Variants in FAAH2 observed in about 807,000 individuals in gnomAD.
FAAH2 encodes the protein fatty acid amide hydrolase 2.
A neutral mutation model predicts 36.9 loss-of-function variants in FAAH2; 60 were observed. The ratio of observed to expected loss-of-function variants is 1.63; its 90% CI spans 1.32 to 2.02. The LOEUF (loss-of-function observed/expected upper bound fraction) is 2.02, where lower values mean the gene tolerates loss of function less well. Ranked by LOEUF, FAAH2 falls within the 30% of genes most tolerant of loss-of-function variation. FAAH2 has a pLI of 0.00. For missense variants in FAAH2, 689 were observed against 397.5 expected (o/e 1.73, Z -6.23); for synonymous variants, 214 against 143.8 (o/e 1.49, Z -3.49).
intron 7 of FAAH2, among the ~76,000 whole-genome samples, chrX:57,397,875 C>T (rs758590682): frequency 9.5e-6 from 1 of 105,325 alleles, no homozygotes; most frequent in South Asian, 4.7e-4. Flanking sequence ...CACAACAGGC[C>T]CCGATGTGTG....
intron 7 of FAAH2, among the ~76,000 whole-genome samples, chrX:57,388,640 T>C (rs955401108): frequency 2.7e-5 from 3 of 111,388 alleles, no homozygotes; most frequent in Non-Finnish European, 5.7e-5. Context: ...TTTACATTAG[T>C]GTTTATATTG....
chrX:57,214,761 T>A, the FAAH2 span, among the ~76,000 whole-genome samples: 1 of 111,265 alleles, frequency 9.0e-6, no homozygotes, highest in African/African-American at 3.3e-5. Flanking sequence ...ATACAGAAAG[T>A]TTCGAAACAC....
At chrX:57,226,066 G>C in the FAAH2 span, among the ~76,000 whole-genome samples, 1 of 111,952 alleles carries the variant, frequency 8.9e-6, no homozygotes, top group African/African-American at 3.2e-5. Context: ...GACAGTAGAC[G>C]GTTGGTTAAT....
At chrX:57,251,454 C>T in the FAAH2 span, among the ~76,000 whole-genome samples, 3 of 111,586 alleles carry the variant, frequency 2.7e-5, no homozygotes, top group African/African-American at 6.5e-5. Flanking sequence ...GACAAGGATT[C>T]TCACTGATGC....
At chrX:57,167,182 G>A in the FAAH2 span, among the ~76,000 whole-genome samples, 1 of 111,111 alleles carries the variant, frequency 9.0e-6, no homozygotes, top group African/African-American at 3.3e-5. Context: ...TGAAGAAAAG[G>A]TTAGATTTCT....
At chrX:57,181,374 ACAACTT>A in the FAAH2 span, among the ~76,000 whole-genome samples, 2 of 112,148 alleles carry the variant, frequency 1.8e-5, no homozygotes, top group Non-Finnish European at 3.8e-5. Flanking sequence ...ATAATTGAAA[ACAACTT>A]CAACAAAGCT....
chrX:57,418,182 C>A (rs972754521), intron 7 of FAAH2, among the ~76,000 whole-genome samples: 3 of 111,710 alleles, frequency 2.7e-5, no homozygotes, highest in African/African-American at 9.8e-5. Context: ...GGGTGGAATT[C>A]GGTGAGCTAG....
chrX:57,438,357 GA>G, intron 8 of FAAH2, among the ~76,000 whole-genome samples: 1 of 106,064 alleles, frequency 9.4e-6, no homozygotes, highest in South Asian at 4.1e-4. Flanking sequence ...CATGCTATTG[GA>G]TTGGAAGAAT....
chrX:57,181,387 A>G, the FAAH2 span, among the ~76,000 whole-genome samples: 1 of 112,090 alleles, frequency 8.9e-6, no homozygotes, highest in Admixed American at 9.5e-5. Context: ...ACTTCAACAA[A>G]GCTTTAGAAT....
At chrX:57,306,988 C>CAGATATATATAT (rs1339824539) in intron 2 of FAAH2, among the ~76,000 whole-genome samples, 3 of 10,233 alleles carry the variant, frequency 2.9e-4, no homozygotes, top group African/African-American at 3.3e-4. Context: ...CACACACACA[C>CAGATATATATAT]ACACAGATAC....
At chrX:57,327,488 A>C (rs1003928740) in intron 3 of FAAH2, among the ~76,000 whole-genome samples, 4 of 109,549 alleles carry the variant, frequency 3.7e-5, no homozygotes, top group Middle Eastern at 4.6e-3. Context: ...AATCAGACAT[A>C]GATTTGGTGT....
At chrX:57,193,158 A>C in the FAAH2 span, among the ~76,000 whole-genome samples, 1 of 111,923 alleles carries the variant, frequency 8.9e-6, no homozygotes, top group South Asian at 3.8e-4. Flanking sequence ...CTCAGCAAGG[A>C]ACATCCCTGG....
the FAAH2 span, among the ~76,000 whole-genome samples, chrX:57,146,638 G>C: frequency 4.0e-4 from 45 of 111,894 alleles, no homozygotes; most frequent in Admixed American, 1.8e-3. Flanking sequence ...TCCTTGTCTT[G>C]TTCCAGTTCT....
chrX:57,448,382 G>A, intron 9 of FAAH2, 142 bp from the exon 10 acceptor site: 1 of 568,490 alleles, frequency 1.8e-6, no homozygotes, highest in African/African-American at 2.3e-5. Flanking sequence ...TTAAAAGTAA[G>A]ATTATAAAGT....
chrX:57,275,425 CA>C, the FAAH2 span, among the ~76,000 whole-genome samples: 2 of 111,898 alleles, frequency 1.8e-5, no homozygotes, highest in African/African-American at 6.5e-5. Context: ...CTGACAGAAG[CA>C]AAAAACATGG....
chrX:57,461,360 A>G (rs1457264833), intron 10 of FAAH2, among the ~76,000 whole-genome samples: 1 of 111,563 alleles, frequency 9.0e-6, no homozygotes, highest in East Asian at 2.8e-4. Context: ...ATTCTTCCTA[A>G]CACCACGTAG....
chrX:57,425,736 A>T (rs1287004289), intron 7 of FAAH2, among the ~76,000 whole-genome samples: 1 of 111,586 alleles, frequency 9.0e-6, no homozygotes, highest in Non-Finnish European at 1.9e-5. Context: ...TAAAAAAGTC[A>T]ATACTCTCCA....
chrX:57,199,129 T>G, the FAAH2 span, among the ~76,000 whole-genome samples: 1 of 111,678 alleles, frequency 9.0e-6, no homozygotes, highest in African/African-American at 3.3e-5. Flanking sequence ...TTGTTCACTA[T>G]TTTTCCCTTT....
At chrX:57,341,646 T>A (rs1189436010) in intron 5 of FAAH2, among the ~76,000 whole-genome samples, 1 of 109,132 alleles carries the variant, frequency 9.2e-6, no homozygotes. Flanking sequence ...TTATCCCCAA[T>A]TTACAAATGA....
Sources: gnomAD v4.1 joint callset for allele counts (sites outside exome capture counted in the v4.1 genomes callset) on GRCh38, gnomAD v4.1.1 for gene constraint, MANE v1.5 for transcripts, NCBI Gene and HGNC (gene_info 2026-07-23, HGNC 2026-07-21) for gene names.